The following ZNF582 variants were observed in gnomAD, a reference collection of about 807,000 sequenced individuals.
ZNF582 encodes the protein zinc finger protein 582.
Under a neutral mutation model 12.3 loss-of-function variants are expected in ZNF582, and 14 were observed. That is an observed-to-expected ratio of 1.14 (90% confidence interval 0.75 to 1.78). The LOEUF is 1.78. ZNF582 is among the 40% of genes most tolerant of loss of function. The pLI is 0.00. For missense variants in ZNF582, 567 were observed against 616.5 expected, an observed-to-expected ratio of 0.92 and a Z score of 0.85; for synonymous variants, 210 against 207.2, an observed-to-expected ratio of 1.01 and a Z score of -0.11.
exon 5 of ZNF582, chr19:56,384,331 G>C (rs144900900): frequency 6.2e-7 from 1 of 1,608,302 alleles, no homozygotes; most frequent in South Asian, 1.1e-5. Flanking sequence ...GTTTCTCACC[G>C]GTATGAATTC....
At position 56,385,566 on chromosome 19, in the gene ZNF582, G is replaced by A. The variant is rs111966778; in HGVS notation, c.233-382C>T. ...TAGCCAGCTGCAGTGGCACATGCCT[G>A]TAGTCCCAGCTGAGAAAAGAAGACT... On this transcript the variant is annotated intron_variant, in intron 4 of 4. Coordinates refer to ENST00000586929, the Ensembl canonical transcript of ZNF582. Among the ~76,000 whole-genome samples the A allele has an allele frequency of 4.2e-3, 633 of 151,970 alleles. 6 individuals are homozygous for A. Among genetic ancestry groups the A allele is most frequent in the African/African-American group, 0.015 (608 of 41,436 alleles).
exon 5 of ZNF582, chr19:56,384,501 T>C: frequency 6.2e-7 from 1 of 1,610,858 alleles, no homozygotes; most frequent in Non-Finnish European, 8.5e-7. Flanking sequence ...TTTTCACCAG[T>C]ATGAATTCTA....
chr19:56,393,521 G>A, exon 1 of ZNF582: 1 of 489,406 alleles, frequency 2.0e-6, no homozygotes, highest in East Asian at 6.0e-5. Flanking sequence ...GGTACCGGTG[G>A]ATTCGCCGTG....
At chr19:56,391,746 G>A (rs1436946813) in exon 2 of ZNF582, 1 of 1,613,330 alleles carries the variant, frequency 6.2e-7, no homozygotes, top group East Asian at 2.2e-5. Context: ...AAACTCACAA[G>A]GGACATGACT....
chr19:56,383,348 G>A (rs577865542), exon 5 of ZNF582: 1 of 152,400 alleles, frequency 6.6e-6, no homozygotes, highest in South Asian at 2.1e-4. Flanking sequence ...ATGTTTGGTA[G>A]ACTTGAATAG....
At position 56,393,140 on chromosome 19, in the gene ZNF582, T is replaced by TAA. The variant is rs11439847; in HGVS notation, c.-81+78_-81+79dup. The TAA allele has an allele frequency of 9.9e-3, 9,820 of 988,662 alleles. 10 individuals are homozygous for TAA. Among genetic ancestry groups the TAA allele is most frequent in the East Asian group, 0.021 (319 of 15,120 alleles). 61.2% of individuals were successfully genotyped at this position (988,662 alleles called of 1,614,324 possible). ...CATGAAACAAGATTTCCTCTCAGAT[T>TAA]AAAAAAAAAAAAAGGCACGCATAAC... On this transcript the variant is annotated intron_variant, in intron 1 of 4. Coordinates refer to ENST00000586929, the Ensembl canonical transcript of ZNF582.
At chr19:56,387,369 T>C (rs2041975908) in intron 4 of ZNF582, 2 of 152,218 alleles carry the variant, frequency 1.3e-5, no homozygotes, top group Admixed American at 6.5e-5. Context: ...TTTACTGCTC[T>C]CACCAGTGAA....
At chr19:56,390,779 TG>T (rs1445295217) in intron 2 of ZNF582, among the ~76,000 whole-genome samples, 1 of 152,160 alleles carries the variant, frequency 6.6e-6, no homozygotes, top group Non-Finnish European at 1.5e-5. Context: ...TAAGAAACAG[TG>T]TAATAAAGCA....
exon 5 of ZNF582, chr19:56,384,232 G>A (rs1371951526): frequency 2.5e-6 from 4 of 1,613,140 alleles, no homozygotes; most frequent in African/African-American, 1.3e-5. Context: ...CCTTACATTG[G>A]TAGGGTTTCT....
chr19:56,384,442 C>T, exon 5 of ZNF582: 1 of 1,596,740 alleles, frequency 6.3e-7, no homozygotes. Flanking sequence ...GTTGAATCAA[C>T]TGAGAACGAT....
exon 5 of ZNF582, chr19:56,385,005 G>C (rs766232351): frequency 1.2e-6 from 2 of 1,614,126 alleles, no homozygotes; most frequent in South Asian, 1.1e-5. Context: ...TGATGGAAAT[G>C]TCTGTCTGGA....
intron 1 of ZNF582, 38 bp downstream of exon 1, chr19:56,393,182 C>A: frequency 7.9e-7 from 1 of 1,264,690 alleles, no homozygotes. Context: ...TGCAAAACAT[C>A]CGCAATTTCA....
chr19:56,384,769 T>G lies in ZNF582; in HGVS notation c.648A>C (p.Gln216His), dbSNP rs754544213. ...TCTTACCAGAATGAATATTCTCATGTTGAATTAGTCGTGAGCCATATTTAA... is the reference window on the plus strand; with the variant it reads ...TCTTACCAGAATGAATATTCTCATGGTGAATTAGTCGTGAGCCATATTTAA... Residue 216 changes from glutamine (Q) to histidine (H), a missense_variant, in exon 5 of 5, where the codon CAA (glutamine) becomes CAC (histidine). Coordinates refer to ENST00000586929, the Ensembl canonical transcript of ZNF582. 1.9e-6 allele frequency: 3 copies of G among 1,600,356 alleles called. No individual in the cohort carries two copies. The South Asian group carries it at 3.4e-5, about 18-fold the overall frequency.
intron 4 of ZNF582, 107 bp downstream of exon 4, chr19:56,389,891 TAAG>T: frequency 1.3e-6 from 1 of 784,564 alleles, no homozygotes; most frequent in Non-Finnish European, 2.1e-6. Context: ...ACGTAAGACA[TAAG>T]CTTTGAAGGT....
chr19:56,384,928 T>A (rs2041951652), exon 5 of ZNF582: 3 of 1,614,100 alleles, frequency 1.9e-6, no homozygotes, highest in Non-Finnish European at 2.5e-6. Context: ...TAGTATGAAT[T>A]TTCTGATAAA....
In ZNF582 at chr19:56,390,721, G is replaced by A. The variant is rs546589503; in HGVS notation, c.10-220C>T. 2.6e-5 allele frequency among the ~76,000 whole-genome samples: 4 copies of A among 152,246 alleles called. No homozygotes were observed. The South Asian group carries it at 8.3e-4, about 32-fold the overall frequency. On this transcript the variant is annotated intron_variant, in intron 2 of 4. Coordinates refer to ENST00000586929, the Ensembl canonical transcript of ZNF582. ...CTGCAAATCAATGCTCTGTGTACAG[G>A]TCTGGGATGAAAATTAAAATCAAGC...
chr19:56,391,115 G>T (rs759404172), intron 2 of ZNF582, among the ~76,000 whole-genome samples: 1 of 151,988 alleles, frequency 6.6e-6, no homozygotes, highest in Non-Finnish European at 1.5e-5. Flanking sequence ...TCTTATTTTG[G>T]ATCCCGAGGT....
At chr19:56,388,152 A>G (rs1017498220) in intron 4 of ZNF582, 3 of 147,334 alleles carry the variant, frequency 2.0e-5, no homozygotes, top group Non-Finnish European at 4.5e-5. Context: ...GGGGGGGGGG[A>G]TTATGTCCAA....
At chr19:56,388,341 A>C (rs2041985697) in intron 4 of ZNF582, 1 of 152,264 alleles carries the variant, frequency 6.6e-6, no homozygotes, top group Non-Finnish European at 1.5e-5. Context: ...ATATAAATGA[A>C]GAAACAAATG....
Sources: gnomAD v4.1 joint callset for allele counts (sites outside exome capture counted in the v4.1 genomes callset) on GRCh38, gnomAD v4.1.1 for gene constraint, MANE v1.5 for transcripts, NCBI Gene and HGNC (gene_info 2026-07-23, HGNC 2026-07-21) for gene names.